The following TGM7 variants were observed in gnomAD, a reference collection of about 807,000 sequenced individuals.
The protein encoded by TGM7 is protein-glutamine gamma-glutamyltransferase Z.
Under a neutral mutation model 79.5 loss-of-function variants are expected in TGM7, and 74 were observed. That is an observed-to-expected ratio of 0.93 (90% CI 0.77 to 1.13). TGM7 has a LOEUF of 1.13. TGM7 is among the 50% of genes most tolerant of loss of function. TGM7 has a pLI of 0.00. For missense variants in TGM7, 912 were observed against 905.9 expected (o/e 1.01, Z -0.09); for synonymous variants, 354 against 362.5 (o/e 0.98, Z 0.27).
intron 4 of TGM7, among the ~76,000 whole-genome samples, chr15:43,291,421 T>C (rs1401609179): frequency 6.6e-6 from 1 of 152,264 alleles, no homozygotes; most frequent in Non-Finnish European, 1.5e-5. Context: ...ATTCTGCCAA[T>C]GCAGCATGCA....
intron 4 of TGM7, among the ~76,000 whole-genome samples, chr15:43,288,101 A>G (rs936724796): frequency 6.6e-6 from 1 of 152,164 alleles, no homozygotes; most frequent in Non-Finnish European, 1.5e-5. Context: ...CAGAGCAGAA[A>G]AAGTCTAGAG....
chr15:43,293,595 C>G lies in TGM7; in HGVS notation c.47G>C (p.Ser16Thr). 1 of 1,609,424 alleles carries G rather than the reference C, an allele frequency of 6.2e-7. No homozygotes were observed. Among genetic ancestry groups the G allele is most frequent in the Non-Finnish European group, 8.5e-7 (1 of 1,179,128 alleles). Residue 16 changes from serine to threonine, a missense_variant, in exon 2 of 13, where the codon AGC becomes ACC. Coordinates refer to ENST00000452443, the MANE Select transcript of TGM7 (RefSeq NM_052955.3). The part of the protein sequence containing the change: ...TLRLESVDLQ[S>T]SRNNKEHHTQ... ...GTGGTGCTCCTTGTTGTTCCTGGAG[C>G]TCTGCAGGTCGACAGACTCAAGCCG...
Position 43,291,969 on chromosome 15 carries a change from A to G in TGM7, c.558+10T>C, listed in dbSNP as rs1434781898. ...GCCCACCCCAGGCCCACATTGGGTA[A>G]TAGTGTTACCTGCCCGTAGTTCCAG... On this transcript the variant is annotated intron_variant, in intron 4 of 12. Coordinates refer to ENST00000452443, the MANE Select transcript of TGM7 (RefSeq NM_052955.3). 5 of 1,607,522 alleles carry G rather than the reference A, an allele frequency of 3.1e-6. No homozygotes were observed.
chr15:43,287,982 G>A lies in TGM7; in HGVS notation c.559-313C>T, dbSNP rs535844713. On this transcript the variant is annotated intron_variant, in intron 4 of 12. Transcript: ENST00000452443. ...TGGTGCCAATGGGCTTTGATGGACTGGGTGGGCAGGAAGAGGAGAGTGGGC... is the reference window on the plus strand; with the variant it reads ...TGGTGCCAATGGGCTTTGATGGACTAGGTGGGCAGGAAGAGGAGAGTGGGC... Among the ~76,000 whole-genome samples the A allele has an allele frequency of 1.3e-4, 20 of 152,262 alleles. No individual in the cohort carries two copies. The South Asian group carries it at 4.2e-3, about 32-fold the overall frequency.
Position 43,291,972 on chromosome 15 carries a change from G to C in TGM7, c.558+7C>G. The stretch of plus-strand genomic sequence containing the variant: ...CACCCCAGGCCCACATTGGGTAATA[G>C]TGTTACCTGCCCGTAGTTCCAGGGC... On this transcript the variant is annotated splice_region_variant and intron_variant, in intron 4 of 12. Coordinates refer to ENST00000452443, the MANE Select transcript of TGM7 (RefSeq NM_052955.3). The C allele has an allele frequency of 6.2e-7, 1 of 1,608,696 alleles. No homozygotes were observed. The highest frequency in any genetic ancestry group is 8.5e-7 in the Non-Finnish European group (1 of 1,175,206).
At chr15:43,280,184 G>A (rs549050783) in intron 9 of TGM7, among the ~76,000 whole-genome samples, 3 of 152,202 alleles carry the variant, frequency 2.0e-5, no homozygotes, top group South Asian at 2.1e-4. Flanking sequence ...TCCCAAAAAC[G>A]TCAGGCTGAG....
At chr15:43,288,203 T>C (rs1272536466) in intron 4 of TGM7, among the ~76,000 whole-genome samples, 1 of 152,190 alleles carries the variant, frequency 6.6e-6, no homozygotes, top group Non-Finnish European at 1.5e-5. Flanking sequence ...GGTGGGCTCA[T>C]AATAGACGTG....
At chr15:43,302,086 T>G (rs1032028951) in intron 1 of TGM7, 155 bp downstream of exon 1, 5 of 836,206 alleles carry the variant, frequency 6.0e-6, no homozygotes, top group Non-Finnish European at 1.0e-5. Flanking sequence ...CAAATGCAGA[T>G]GGAGAAGTAA....
chr15:43,288,823 A>C (rs1329956790), intron 4 of TGM7, among the ~76,000 whole-genome samples: 4 of 152,128 alleles, frequency 2.6e-5, no homozygotes, highest in African/African-American at 9.7e-5. Flanking sequence ...CTAGTTACTC[A>C]GGAAGCTGAG....
chr15:43,280,749 A>C (rs1182712102), intron 9 of TGM7, among the ~76,000 whole-genome samples: 2 of 152,224 alleles, frequency 1.3e-5, no homozygotes, highest in Non-Finnish European at 2.9e-5. Context: ...TTACTACTTG[A>C]GACCATCATT....
chr15:43,290,020 C>T (rs2042955985), intron 4 of TGM7, among the ~76,000 whole-genome samples: 1 of 152,140 alleles, frequency 6.6e-6, no homozygotes, highest in Non-Finnish European at 1.5e-5. Flanking sequence ...AGGTTGCCTG[C>T]TTACTCTGAT....
intron 4 of TGM7, among the ~76,000 whole-genome samples, chr15:43,290,376 G>C (rs574959541): frequency 1.9e-3 from 287 of 152,266 alleles, no homozygotes; most frequent in African/African-American, 6.6e-3. Flanking sequence ...GATGGTTGTA[G>C]ATATGCAGCA....
intron 4 of TGM7, among the ~76,000 whole-genome samples, chr15:43,289,906 G>T (rs1173698710): frequency 3.9e-5 from 6 of 151,964 alleles, no homozygotes; most frequent in Non-Finnish European, 7.4e-5. Flanking sequence ...CTTTTTGATG[G>T]GGTTGTTTGT....
chr15:43,290,019 G>C (rs2042955971), intron 4 of TGM7, among the ~76,000 whole-genome samples: 1 of 152,150 alleles, frequency 6.6e-6, no homozygotes, highest in Non-Finnish European at 1.5e-5. Flanking sequence ...TAGGTTGCCT[G>C]CTTACTCTGA....
chr15:43,289,172 A>T (rs1566845397), intron 4 of TGM7, among the ~76,000 whole-genome samples: 1 of 151,928 alleles, frequency 6.6e-6, no homozygotes, highest in Non-Finnish European at 1.5e-5. Flanking sequence ...TTAACTCGTC[A>T]TTTAACATTA....
intron 1 of TGM7, among the ~76,000 whole-genome samples, chr15:43,300,014 A>C (rs1396475890): frequency 6.6e-6 from 1 of 152,206 alleles, no homozygotes; most frequent in African/African-American, 2.4e-5. Context: ...GCCCATAAAT[A>C]AACTGCTTCA....
chr15:43,278,778 T>G (rs1254232544), intron 11 of TGM7, among the ~76,000 whole-genome samples: 1 of 152,224 alleles, frequency 6.6e-6, no homozygotes, highest in Non-Finnish European at 1.5e-5. Context: ...GAATTTGACT[T>G]TGTGGAGTCT....
intron 4 of TGM7, among the ~76,000 whole-genome samples, chr15:43,288,728 G>A (rs1290147284): frequency 2.0e-5 from 3 of 152,072 alleles, no homozygotes; most frequent in Non-Finnish European, 4.4e-5. Context: ...TCAGAAGTTC[G>A]AGACCAGCCT....
chr15:43,290,657 G>C (rs2042959239), intron 4 of TGM7, among the ~76,000 whole-genome samples: 5 of 152,198 alleles, frequency 3.3e-5, no homozygotes, highest in Admixed American at 3.3e-4. Context: ...ACCTTGGGCA[G>C]TATGGCCATT....
Sources: allele counts gnomAD v4.1 joint callset (sites outside exome capture counted in the v4.1 genomes callset), GRCh38; gene constraint gnomAD v4.1.1; transcripts MANE v1.5; gene names NCBI Gene and HGNC (gene_info 2026-07-23, HGNC 2026-07-21).